Variants in NRXN3 observed in about 807,000 individuals in gnomAD.
NRXN3 encodes the protein neurexin 3, also known as neurexin III.
A neutral mutation model predicts 137.6 loss-of-function variants in NRXN3; 32 were observed. The observed-to-expected ratio is 0.23, with a 90% CI of 0.18 to 0.31. The LOEUF (loss-of-function observed/expected upper bound fraction) is 0.31. Among genes scored for constraint, NRXN3 ranks in the 10% least tolerant of loss-of-function variants. The pLI, the probability that NRXN3 is intolerant of heterozygous loss-of-function variation, is 1.00. For synonymous variants in NRXN3, 798 were observed against 784.5 expected, an observed-to-expected ratio of 1.02 and a Z score of -0.29; for missense variants, 1,574 against 2,062.5, an observed-to-expected ratio of 0.76 and a Z score of 4.59.
At chr14:78,740,399 A>C in intron 8 of NRXN3, among the ~76,000 whole-genome samples, 1 of 150,804 alleles carries the variant, frequency 6.6e-6, no homozygotes. Context: ...TTTTTCTGCC[A>C]CAGTATTTCT....
At chr14:79,550,928 A>T (rs2097367082) in intron 16 of NRXN3, among the ~76,000 whole-genome samples, 1 of 152,140 alleles carries the variant, frequency 6.6e-6, no homozygotes, top group African/African-American at 2.4e-5. Context: ...AATAAGTGGG[A>T]TGAGGGAGAC....
In NRXN3 at chr14:78,363,957, G is replaced by A. The variant is rs571182773; in HGVS notation, c.757+66097G>A. Among the ~76,000 whole-genome samples the A allele has an allele frequency of 3.9e-5, 6 of 152,304 alleles. No individual in the cohort carries two copies. In the East Asian group the frequency reaches 5.8e-4, roughly 15 times the overall value. On this transcript the variant is annotated intron_variant, in intron 4 of 20. Transcript: ENST00000335750. The stretch of plus-strand genomic sequence containing the variant: ...CCCACTCAAGCCAGGGCTCTCAGGA[G>A]CCTCTTCTCCCACAACACTTTATTC...
chr14:78,517,508 T>TCATTATCCCTA (rs2096226607), intron 4 of NRXN3, among the ~76,000 whole-genome samples: 2 of 152,288 alleles, frequency 1.3e-5, no homozygotes, highest in Admixed American at 1.3e-4. Context: ...AGACTCCCTA[T>TCATTATCCCTA]GCTCATTATC....
Position 79,476,086 on chromosome 14 carries a change from T to C in NRXN3, c.3444+8684T>C, listed in dbSNP as rs8019085. On this transcript the variant is annotated intron_variant, in intron 16 of 20. Transcript: ENST00000335750. The stretch of plus-strand genomic sequence containing the variant: ...CTGCTCCTTGTCATTACTCCTGGGG[T>C]ATTGTTCAGTGCAACAGGGCAAGAA... Among the ~76,000 whole-genome samples the C allele has an allele frequency of 2.4e-3, 369 of 152,146 alleles. 3 individuals carry two copies. Among genetic ancestry groups the C allele is most frequent in the African/African-American group, 8.5e-3 (355 of 41,526 alleles).
At chr14:78,720,825 C>A (rs1426137014) in intron 8 of NRXN3, among the ~76,000 whole-genome samples, 1 of 152,174 alleles carries the variant, frequency 6.6e-6, no homozygotes, top group East Asian at 1.9e-4. Flanking sequence ...GCTTTAGTTT[C>A]AGTGGCTTTT....
chr14:79,191,287 A>C (rs1388496670), intron 15 of NRXN3, among the ~76,000 whole-genome samples: 1 of 152,242 alleles, frequency 6.6e-6, no homozygotes, highest in Non-Finnish European at 1.5e-5. Flanking sequence ...AAACTGAAAT[A>C]CAAAGGCATG....
rs565716945 is a variant in NRXN3 at position 79,647,429 on chromosome 14, G to A, written c.3445-16349G>A. On this transcript the variant is annotated intron_variant, in intron 16 of 20. Coordinates refer to ENST00000335750, the MANE Select transcript of NRXN3 (RefSeq NM_001330195.2). ...TGCTGTCATGCAACTTTCAAATAATGCATTTTATTATCATTATCTTTTCCG... is the reference window on the plus strand; with the variant it reads ...TGCTGTCATGCAACTTTCAAATAATACATTTTATTATCATTATCTTTTCCG... 6.3e-4 allele frequency among the ~76,000 whole-genome samples: 85 copies of A among 135,724 alleles called. 18 individuals are homozygous for A. The highest frequency in any genetic ancestry group is 1.1e-3 in the Non-Finnish European group (64 of 58,330). 89.0% of individuals were successfully genotyped at this position (135,724 alleles called of 152,430 possible). A position where few individuals can be genotyped will look rare whatever the true frequency, so the allele number is the denominator to read the frequency against.
At chr14:78,579,192 C>T (rs530221599) in intron 4 of NRXN3, among the ~76,000 whole-genome samples, 1 of 152,312 alleles carries the variant, frequency 6.6e-6, no homozygotes, top group South Asian at 2.1e-4. Flanking sequence ...AGTACATCTG[C>T]ACCTGGATGC....
At chr14:79,303,589 C>T (rs114219088) in intron 15 of NRXN3, among the ~76,000 whole-genome samples, 305 of 152,104 alleles carry the variant, frequency 2.0e-3, no homozygotes, top group African/African-American at 7.1e-3. Flanking sequence ...GAAAGCCACC[C>T]TCTTGTGATC....
intron 15 of NRXN3, among the ~76,000 whole-genome samples, chr14:79,425,930 G>A (rs2095648817): frequency 6.6e-6 from 1 of 151,936 alleles, no homozygotes; most frequent in South Asian, 2.1e-4. Flanking sequence ...TTCTGTAGAG[G>A]AAGATTGAAA....
At chr14:78,347,183 C>G (rs188971731) in intron 4 of NRXN3, among the ~76,000 whole-genome samples, 1 of 152,288 alleles carries the variant, frequency 6.6e-6, no homozygotes, top group East Asian at 1.9e-4. Context: ...CTGATTGTAG[C>G]TTCTGTAGCA....
chr14:79,280,432 C>G (rs2081088429), intron 15 of NRXN3: 2 of 1,614,146 alleles, frequency 1.2e-6, no homozygotes, highest in Non-Finnish European at 1.7e-6. Flanking sequence ...CCACCTCTTC[C>G]TCGCCGGGGT....
chr14:79,417,626 C>T (rs923006315), intron 15 of NRXN3, among the ~76,000 whole-genome samples: 1 of 152,074 alleles, frequency 6.6e-6, no homozygotes, highest in Non-Finnish European at 1.5e-5. Flanking sequence ...GGCACTACTA[C>T]AATAATGATG....
chr14:79,194,799 G>A (rs2064911619), intron 15 of NRXN3, among the ~76,000 whole-genome samples: 1 of 152,132 alleles, frequency 6.6e-6, no homozygotes, highest in African/African-American at 2.4e-5. Context: ...GATGAGCTGG[G>A]CCTTACAGAA....
At chr14:79,825,389 A>G (rs2099293339) in intron 20 of NRXN3, among the ~76,000 whole-genome samples, 1 of 152,106 alleles carries the variant, frequency 6.6e-6, no homozygotes, top group Non-Finnish European at 1.5e-5. Context: ...TTTTCATTTA[A>G]GAAAATTTCA....
intron 8 of NRXN3, among the ~76,000 whole-genome samples, chr14:78,735,010 A>G (rs548534736): frequency 1.3e-5 from 2 of 152,280 alleles, no homozygotes; most frequent in African/African-American, 4.8e-5. Flanking sequence ...TAGGACAGTG[A>G]GTGGATTGGA....
intron 7 of NRXN3, among the ~76,000 whole-genome samples, chr14:78,711,633 G>A (rs906772961): frequency 6.6e-6 from 1 of 151,854 alleles, no homozygotes; most frequent in South Asian, 2.1e-4. Flanking sequence ...TAGAGACAGG[G>A]TTTCACCATG....
intron 4 of NRXN3, among the ~76,000 whole-genome samples, chr14:78,302,730 G>A (rs1297427511): frequency 6.6e-6 from 1 of 152,122 alleles, no homozygotes; most frequent in African/African-American, 2.4e-5. Flanking sequence ...GTTTGTTAAC[G>A]CATTTCCCAC....
At chr14:78,866,721 G>T (rs998256658) in intron 10 of NRXN3, among the ~76,000 whole-genome samples, 3 of 150,474 alleles carry the variant, frequency 2.0e-5, no homozygotes, top group Non-Finnish European at 4.4e-5. Flanking sequence ...ACATTCTGGA[G>T]ATCATGAATT....
Sources: allele counts gnomAD v4.1 joint callset (sites outside exome capture counted in the v4.1 genomes callset), GRCh38; gene constraint gnomAD v4.1.1; transcripts MANE v1.5; gene names NCBI Gene and HGNC (gene_info 2026-07-23, HGNC 2026-07-21).